HIVEP1: variants seen among roughly 807,000 people sequenced by gnomAD.
HIVEP1 encodes the protein HIVEP zinc finger 1, also known as zinc finger protein 40.
HIVEP1 carries 36 observed loss-of-function variants against 180.0 expected under a neutral mutation model. The observed-to-expected ratio is 0.20, with a 90% CI of 0.15 to 0.26. The LOEUF is 0.26. Ranked by LOEUF, HIVEP1 falls within the 10% of genes least tolerant of loss-of-function variation. HIVEP1 has a pLI of 1.00. For missense variants in HIVEP1, 3,143 were observed against 3,268.7 expected, an observed-to-expected ratio of 0.96 and a Z score of 0.94; for synonymous variants, 1,239 against 1,239.0, an observed-to-expected ratio of 1.00 and a Z score of 0.00.
At chr6:12,127,856 A>G (rs746327783) in intron 4 of HIVEP1, among the ~76,000 whole-genome samples, 10 of 152,220 alleles carry the variant, frequency 6.6e-5, no homozygotes, top group African/African-American at 9.6e-5. Context: ...GCAAATGGGT[A>G]TATCTGGACT....
At chr6:12,053,310 A>G (rs1037810173) in intron 2 of HIVEP1, among the ~76,000 whole-genome samples, 2 of 152,008 alleles carry the variant, frequency 1.3e-5, no homozygotes, top group Non-Finnish European at 2.9e-5. Context: ...AAACATTGAG[A>G]TGTCCTGACT....
intron 3 of HIVEP1, among the ~76,000 whole-genome samples, chr6:12,099,243 G>A (rs1265047543): frequency 6.6e-6 from 1 of 150,846 alleles, no homozygotes; most frequent in Non-Finnish European, 1.5e-5. Context: ...GTGCAGTGGC[G>A]GGATCTCGGC....
intron 2 of HIVEP1, among the ~76,000 whole-genome samples, chr6:12,028,704 T>C (rs1768743518): frequency 1.3e-5 from 2 of 152,260 alleles, no homozygotes; most frequent in African/African-American, 4.8e-5. Context: ...GTTTTACAGC[T>C]TTATTAAGAC....
At position 12,041,353 on chromosome 6, in the gene HIVEP1, C is replaced by T. The variant is rs914321778; in HGVS notation, c.40+25685C>T. Among the ~76,000 whole-genome samples the T allele has an allele frequency of 5.3e-5, 7 of 131,552 alleles. No individual in the cohort carries two copies. The South Asian group carries it at 1.1e-3, about 21-fold the overall frequency. 86.3% of individuals were successfully genotyped at this position (131,552 alleles called of 152,430 possible). ...AGGAGAATGGCGTGAACCCGGGAGG[C>T]GGAGCTTGTAGTGAGCCGAGATCCC... On this transcript the variant is annotated intron_variant, in intron 2 of 8. Transcript: ENST00000379388.
chr6:12,175,801 C>A, the HIVEP1 span, among the ~76,000 whole-genome samples: 1 of 152,096 alleles, frequency 6.6e-6, no homozygotes. Flanking sequence ...TGTCAGCTGG[C>A]GGAACAGTGT....
chr6:12,168,135 T>A (rs1267437638), downstream of HIVEP1, among the ~76,000 whole-genome samples: 3 of 104,042 alleles, frequency 2.9e-5, 1 homozygote, highest in Non-Finnish European at 5.5e-5. Flanking sequence ...TATATACGTG[T>A]ATATCTATAT....
chr6:12,012,068 C>T (rs1336739302), upstream of HIVEP1: 1 of 146,964 alleles, frequency 6.8e-6, no homozygotes, highest in Non-Finnish European at 1.5e-5. Flanking sequence ...AAGCCCGCGC[C>T]CGTCCTTCCC....
chr6:12,165,335 C>T (rs1402183182), downstream of HIVEP1, among the ~76,000 whole-genome samples: 1 of 152,112 alleles, frequency 6.6e-6, no homozygotes, highest in African/African-American at 2.4e-5. Flanking sequence ...AGTTAAACCC[C>T]ATTGTCCTTA....
intron 2 of HIVEP1, among the ~76,000 whole-genome samples, chr6:12,047,855 G>T (rs1446446913): frequency 6.6e-6 from 1 of 152,148 alleles, no homozygotes; most frequent in Non-Finnish European, 1.5e-5. Flanking sequence ...TAGTTTCCTC[G>T]ATAAGCTGGT....
chr6:12,044,956 GCCTGTAACC>G (rs1243950325), intron 2 of HIVEP1, among the ~76,000 whole-genome samples: 1 of 152,214 alleles, frequency 6.6e-6, no homozygotes, highest in Non-Finnish European at 1.5e-5. Flanking sequence ...TGTGATGCTT[GCCTGTAACC>G]CATCAATAGA....
At chr6:12,152,926 A>G (rs1226743484) in intron 7 of HIVEP1, among the ~76,000 whole-genome samples, 3 of 152,350 alleles carry the variant, frequency 2.0e-5, no homozygotes, top group African/African-American at 7.2e-5. Context: ...TTTACACTTC[A>G]AATAGTTTTT....
chr6:12,032,299 C>T lies in HIVEP1; in HGVS notation c.40+16631C>T, dbSNP rs139987837. The stretch of plus-strand genomic sequence containing the variant: ...GCGACTACAAGAGCGCCACCATGCC[C>T]GGCTAATTTTTTGTATTTTTTTTTA... On this transcript the variant is annotated intron_variant, in intron 2 of 8. Coordinates refer to ENST00000379388, the MANE Select transcript of HIVEP1 (RefSeq NM_002114.4). 4.8e-4 allele frequency among the ~76,000 whole-genome samples: 73 copies of T among 152,044 alleles called. 1 individual carries two copies. Among genetic ancestry groups the T allele is most frequent in the African/African-American group, 1.7e-3 (69 of 41,472 alleles).
chr6:12,145,497 A>C (rs1759316878), intron 7 of HIVEP1, among the ~76,000 whole-genome samples: 1 of 148,848 alleles, frequency 6.7e-6, no homozygotes, highest in Non-Finnish European at 1.5e-5. Context: ...GTGCATATGT[A>C]CCCTAGAACT....
chr6:12,048,296 C>G (rs1302572882), intron 2 of HIVEP1, among the ~76,000 whole-genome samples: 1 of 152,198 alleles, frequency 6.6e-6, no homozygotes, highest in East Asian at 1.9e-4. Context: ...AGAGTGGACA[C>G]CTTCTTGCTC....
At chr6:12,177,488 G>T in the HIVEP1 span, among the ~76,000 whole-genome samples, 1 of 152,208 alleles carries the variant, frequency 6.6e-6, no homozygotes, top group African/African-American at 2.4e-5. Context: ...TATAAAATGG[G>T]CCTAATGATA....
At chr6:12,148,192 C>G (rs1443675636) in intron 7 of HIVEP1, among the ~76,000 whole-genome samples, 1 of 152,184 alleles carries the variant, frequency 6.6e-6, no homozygotes, top group Non-Finnish European at 1.5e-5. Context: ...GCTACAGTTT[C>G]AAGTTTTGAA....
In HIVEP1 at chr6:12,015,614, C is replaced by G. The variant is rs1692606784; in HGVS notation, c.-15C>G. 1 of 1,612,080 alleles carries G rather than the reference C, an allele frequency of 6.2e-7. No individual in the cohort carries two copies. The highest frequency in any genetic ancestry group is 8.5e-7 in the Non-Finnish European group (1 of 1,178,900). ...CAGTTTTTAAGAAGAAAAAGAAGGC[C>G]CTGAGTCAAAGAAGATGCCTCGAAC... On this transcript the variant is annotated 5_prime_UTR_variant, in exon 2 of 9. Coordinates refer to ENST00000379388, the MANE Select transcript of HIVEP1 (RefSeq NM_002114.4).
At chr6:12,101,599 A>G (rs1461411494) in intron 3 of HIVEP1, among the ~76,000 whole-genome samples, 4 of 152,004 alleles carry the variant, frequency 2.6e-5, no homozygotes, top group African/African-American at 7.2e-5. Flanking sequence ...AAAAATCTCT[A>G]TAAATGAAAA....
chr6:12,023,556 A>G (rs1488716634), intron 2 of HIVEP1, among the ~76,000 whole-genome samples: 3 of 152,246 alleles, frequency 2.0e-5, no homozygotes, highest in Non-Finnish European at 4.4e-5. Flanking sequence ...TTTTGTTAAT[A>G]TGGGTGAAAA....
Sources: allele counts gnomAD v4.1 joint callset (sites outside exome capture counted in the v4.1 genomes callset), GRCh38; gene constraint gnomAD v4.1.1; transcripts MANE v1.5; gene names NCBI Gene and HGNC (gene_info 2026-07-23, HGNC 2026-07-21).